DNAH8: variants seen among roughly 807,000 people sequenced by gnomAD.
DNAH8 encodes the protein dynein axonemal heavy chain 8, also known as axonemal beta dynein heavy chain 8.
DNAH8 carries 382 observed loss-of-function variants against 562.1 expected under a neutral mutation model. That is an observed-to-expected ratio of 0.68 (90% CI 0.63 to 0.74). The LOEUF (loss-of-function observed/expected upper bound fraction) is 0.74. Ranked by LOEUF, DNAH8 falls within the 30% of genes least tolerant of loss-of-function variation. The pLI, the probability that DNAH8 is intolerant of heterozygous loss-of-function variation, is 0.00. For missense variants in DNAH8, 5,203 were observed against 5,620.4 expected, an observed-to-expected ratio of 0.93 and a Z score of 2.37; for synonymous variants, 1,881 against 1,919.4, an observed-to-expected ratio of 0.98 and a Z score of 0.52.
intron 91 of DNAH8, among the ~76,000 whole-genome samples, chr6:39,020,832 T>C (rs1766869136): frequency 6.6e-6 from 1 of 152,208 alleles, no homozygotes; most frequent in Non-Finnish European, 1.5e-5. Flanking sequence ...TTCATGTCCC[T>C]GCAAAGGACA....
rs187114741 is a variant in DNAH8, at chr6:38,917,776, T to A, written c.10309-149T>A. On this transcript the variant is annotated intron_variant, in intron 69 of 92. Transcript: ENST00000327475. ...AGAAGACAATTTGTGATTTACAGAT[T>A]TAGGTTGGCTACTGCCAATAGTCTC... The A allele has an allele frequency of 2.9e-4, 175 of 596,658 alleles. 1 individual carries two copies. The Admixed American group carries it at 4.1e-3, about 14-fold the overall frequency. The allele number at this position is 596,658 out of a possible 1,614,324, so 37.0% of individuals were successfully genotyped here.
chr6:38,868,184 C>A lies in DNAH8; in HGVS notation c.6816C>A (p.Asn2272Lys). The stretch of plus-strand genomic sequence containing the variant: ...TCATGAGAGGACTAAGAGATATGAA[C>A]CTTTCCAAACTGGTATCTTCTCTGA... ...SIVMRGLRDM[N>K]LSKLVDEDEP... The change falls in exon 48 of 93, where the codon AAC (asparagine) becomes AAA (lysine). Residue 2272 changes from asparagine (N) to lysine (K), a missense_variant. Physicochemically the swap from Asn to Lys is moderately conservative, Grantham distance 94 (BLOSUM62 0). Coordinates refer to ENST00000327475, the MANE Select transcript of DNAH8 (RefSeq NM_001206927.2). 6.2e-7 allele frequency: 1 copy of A among 1,605,750 alleles called. No individual in the cohort carries two copies. The highest frequency in any genetic ancestry group is 8.5e-7 in the Non-Finnish European group (1 of 1,177,904).
chr6:38,792,954 A>ATT (rs1160984569), intron 21 of DNAH8, among the ~76,000 whole-genome samples: 2 of 151,394 alleles, frequency 1.3e-5, no homozygotes. Context: ...AATTAAAAAC[A>ATT]TTTTTTTTGT....
At chr6:38,716,168 A>G (rs1226222526) in intron 1 of DNAH8, among the ~76,000 whole-genome samples, 4 of 150,536 alleles carry the variant, frequency 2.7e-5, no homozygotes, top group Non-Finnish European at 4.4e-5. Context: ...TCACAGTGTT[A>G]GCCAAGATGG....
At position 38,783,036 on chromosome 6, in the gene DNAH8, T is replaced by C. The variant is rs1678664; in HGVS notation, c.2292T>C (p.Gly764=). ...CAGACATTTTATCAAGTCCGGACGGTAAAGCTGTCATCCGTCAGTATAACA... is the reference window on the plus strand; with the variant it reads ...CAGACATTTTATCAAGTCCGGACGGCAAAGCTGTCATCCGTCAGTATAACA... The part of the protein sequence containing the change: ...KNSDILSSPD[G]KAVIRQYNKI... Residue 764 remains glycine, a synonymous_variant, in exon 17 of 93, where the codon GGT becomes GGC. Transcript: ENST00000327475. The C allele has an allele frequency of 0.067, 108,194 of 1,613,610 alleles. 5,857 individuals carry two copies. The highest frequency in any genetic ancestry group is 0.32 in the East Asian group (14,163 of 44,860).
chr6:38,989,999 C>T lies in DNAH8; in HGVS notation c.13054-13C>T. 2 of 1,507,536 alleles carry T rather than the reference C, an allele frequency of 1.3e-6. No homozygotes were observed. Among genetic ancestry groups the T allele is most frequent in the Non-Finnish European group, 1.8e-6 (2 of 1,110,088 alleles). The allele number at this position is 1,507,536 out of a possible 1,614,324, so 93.4% of individuals were successfully genotyped here. A position where few individuals can be genotyped will look rare whatever the true frequency, so the allele number is the denominator to read the frequency against. Reference sequence around the variant, plus strand: ...TCATCAATTTTATTTCTTTTGTTTTCTCTCACATACAGGTCTGGTTCAGTG... The same window carrying T: ...TCATCAATTTTATTTCTTTTGTTTTTTCTCACATACAGGTCTGGTTCAGTG... On this transcript the variant is annotated splice_polypyrimidine_tract_variant and intron_variant, in intron 87 of 92. Transcript: ENST00000327475.
At chr6:38,819,053 A>T (rs1461911136) in intron 26 of DNAH8, among the ~76,000 whole-genome samples, 9 of 152,124 alleles carry the variant, frequency 5.9e-5, no homozygotes, top group African/African-American at 1.9e-4. Flanking sequence ...ATTTTCTAGG[A>T]CTTATTTATG....
intron 21 of DNAH8, among the ~76,000 whole-genome samples, chr6:38,795,118 A>G (rs891241335): frequency 2.0e-5 from 3 of 152,244 alleles, no homozygotes; most frequent in Non-Finnish European, 2.9e-5. Context: ...ATATACTAAC[A>G]TAGCATTTAC....
At chr6:38,989,731 A>G (rs1281801926) in intron 87 of DNAH8, among the ~76,000 whole-genome samples, 1 of 152,176 alleles carries the variant, frequency 6.6e-6, no homozygotes, top group African/African-American at 2.4e-5. Context: ...GGGTTGTCAA[A>G]TGACTCAATC....
At chr6:38,925,984 A>G in intron 73 of DNAH8, 71 bp from the exon 74 acceptor site, 1 of 1,332,870 alleles carries the variant, frequency 7.5e-7, no homozygotes, top group Non-Finnish European at 1.0e-6. Flanking sequence ...TTTACTTTAC[A>G]GTACTTTTAA....
At chr6:38,835,857 T>A (rs1774241313) in intron 32 of DNAH8, among the ~76,000 whole-genome samples, 1 of 151,774 alleles carries the variant, frequency 6.6e-6, no homozygotes, top group Admixed American at 6.6e-5. Flanking sequence ...ATGATCATAC[T>A]TGAATTTTTA....
intron 24 of DNAH8, among the ~76,000 whole-genome samples, chr6:38,812,187 C>A (rs1738224): frequency 0.16 from 24,104 of 152,086 alleles, 2,067 homozygotes; most frequent in East Asian, 0.3. Context: ...CCAACCTCCC[C>A]ACGGTCACTG....
At chr6:39,021,128 T>C (rs1304694392) in intron 91 of DNAH8, among the ~76,000 whole-genome samples, 1 of 152,202 alleles carries the variant, frequency 6.6e-6, no homozygotes, top group Non-Finnish European at 1.5e-5. Flanking sequence ...GAAATAGGAA[T>C]GCTGTCACAC....
At chr6:38,983,357 C>A (rs1764167330) in intron 86 of DNAH8, among the ~76,000 whole-genome samples, 1 of 152,074 alleles carries the variant, frequency 6.6e-6, no homozygotes, top group African/African-American at 2.4e-5. Flanking sequence ...GGGTGGTAAG[C>A]CATGATGAGT....
At chr6:38,952,495 A>G (rs950037902) in intron 82 of DNAH8, among the ~76,000 whole-genome samples, 7 of 152,198 alleles carry the variant, frequency 4.6e-5, no homozygotes, top group African/African-American at 9.6e-5. Flanking sequence ...GGTTAATCCA[A>G]TCATGTCTTT....
In DNAH8 at chr6:38,895,181, C is replaced by G. The variant is rs554708472; in HGVS notation, c.8747+317C>G. 1.9e-3 allele frequency among the ~76,000 whole-genome samples: 284 copies of G among 152,202 alleles called. 1 individual carries two copies. The highest frequency in any genetic ancestry group is 6.5e-3 in the African/African-American group (270 of 41,544). ...CTTGAACTCCTGACCTCAGGAGATC[C>G]TCCTGTCTCAGTCTCCCAAAGTGCT... On this transcript the variant is annotated intron_variant, in intron 59 of 92. Transcript: ENST00000327475.
At chr6:38,806,724 T>C (rs1771305546) in intron 23 of DNAH8, among the ~76,000 whole-genome samples, 1 of 151,600 alleles carries the variant, frequency 6.6e-6, no homozygotes, top group Admixed American at 6.6e-5. Flanking sequence ...GAGCTTGCAG[T>C]GAGCCGAGAT....
Position 38,737,940 on chromosome 6 carries a change from G to A in DNAH8, c.1084G>A (p.Val362Met). ...AGAAACTGTTCATCAGCTGGAGGAAGTGCTGATGGTATGGTACAAACAGAT... is the reference window on the plus strand; with the variant it reads ...AGAAACTGTTCATCAGCTGGAGGAAATGCTGATGGTATGGTACAAACAGAT... ...NSETVHQLEEVLMVWYKQIEQ... is the reference protein window; with the variant it reads ...NSETVHQLEEMLMVWYKQIEQ... Residue 362 changes from valine (V) to methionine (M), a missense_variant, in exon 7 of 93, where the codon GTG (valine) becomes ATG (methionine). Val to Met is a conservative substitution (Grantham distance 21). Transcript: ENST00000327475. 1 of 1,609,464 alleles carries A rather than the reference G, an allele frequency of 6.2e-7. No homozygotes were observed. Among genetic ancestry groups the A allele is most frequent in the Admixed American group, 1.7e-5 (1 of 59,276 alleles).
intron 21 of DNAH8, among the ~76,000 whole-genome samples, chr6:38,795,196 C>T (rs1013273956): frequency 3.3e-5 from 5 of 152,184 alleles, no homozygotes; most frequent in African/African-American, 1.2e-4. Flanking sequence ...ATAACCATCA[C>T]AATGATCTAT....
Sources: gnomAD v4.1 joint callset for allele counts (sites outside exome capture counted in the v4.1 genomes callset) on GRCh38, gnomAD v4.1.1 for gene constraint, MANE v1.5 for transcripts, NCBI Gene and HGNC (gene_info 2026-07-23, HGNC 2026-07-21) for gene names.